ARHGAP26: variants seen among roughly 807,000 people sequenced by gnomAD.
ARHGAP26 encodes the protein rho GTPase-activating protein 26.
In ARHGAP26, 38 loss-of-function variants were observed where a neutral mutation model predicts 104.8. The ratio of observed to expected loss-of-function variants is 0.36; its 90% CI spans 0.28 to 0.48. ARHGAP26 has a LOEUF of 0.48. Among genes scored for constraint, ARHGAP26 ranks in the 20% least tolerant of loss-of-function variants. The probability of loss-of-function intolerance (pLI) is 0.99; values close to 1 mark genes in which losing one functional copy is unlikely to be tolerated. For synonymous variants in ARHGAP26, 341 were observed against 340.0 expected, an observed-to-expected ratio of 1.00 and a Z score of -0.03; for missense variants, 704 against 947.9, an observed-to-expected ratio of 0.74 and a Z score of 3.38.
chr5:142,799,853 G>T (rs1761719853), intron 1 of ARHGAP26, among the ~76,000 whole-genome samples: 3 of 152,256 alleles, frequency 2.0e-5, no homozygotes, highest in Non-Finnish European at 4.4e-5. Flanking sequence ...CCTCTTAAAG[G>T]TCCCCACCTC....
At chr5:142,898,554 C>G (rs1360437492) in intron 6 of ARHGAP26, among the ~76,000 whole-genome samples, 2 of 152,160 alleles carry the variant, frequency 1.3e-5, no homozygotes, top group Non-Finnish European at 2.9e-5. Flanking sequence ...TGCATTCTGC[C>G]TTGGGCCTCC....
intron 18 of ARHGAP26, among the ~76,000 whole-genome samples, chr5:143,128,848 A>G (rs1263144337): frequency 6.6e-6 from 1 of 152,154 alleles, no homozygotes; most frequent in Non-Finnish European, 1.5e-5. Flanking sequence ...TCTGCTGTTG[A>G]TTTATTGTCT....
At chr5:142,952,658 C>T (rs1453797546) in intron 11 of ARHGAP26, among the ~76,000 whole-genome samples, 2 of 152,042 alleles carry the variant, frequency 1.3e-5, no homozygotes, top group Non-Finnish European at 2.9e-5. Flanking sequence ...ATCAGTCATC[C>T]CATTACCACT....
At chr5:142,978,675 C>A (rs937642576) in intron 11 of ARHGAP26, among the ~76,000 whole-genome samples, 1 of 151,854 alleles carries the variant, frequency 6.6e-6, no homozygotes, top group African/African-American at 2.4e-5. Context: ...ATGATACTTT[C>A]CACCTCTTGA....
At chr5:142,833,216 G>C (rs1418436561) in intron 1 of ARHGAP26, among the ~76,000 whole-genome samples, 2 of 149,434 alleles carry the variant, frequency 1.3e-5, no homozygotes, top group Non-Finnish European at 3.0e-5. Flanking sequence ...ACCACACCCG[G>C]CTAATTTTTT....
chr5:143,172,604 C>G (rs1802934132), intron 20 of ARHGAP26, among the ~76,000 whole-genome samples: 1 of 152,144 alleles, frequency 6.6e-6, no homozygotes, highest in Non-Finnish European at 1.5e-5. Context: ...AAATGAGGCC[C>G]TCTATATAGG....
chr5:143,196,549 A>G (rs780879153), intron 20 of ARHGAP26, among the ~76,000 whole-genome samples: 1 of 152,222 alleles, frequency 6.6e-6, no homozygotes, highest in Non-Finnish European at 1.5e-5. Flanking sequence ...ATTTATTAAC[A>G]TTGAACTTAG....
intron 1 of ARHGAP26, among the ~76,000 whole-genome samples, chr5:142,794,182 C>T (rs765351327): frequency 2.2e-4 from 33 of 152,270 alleles, no homozygotes; most frequent in Non-Finnish European, 3.1e-4. Context: ...ATGACTTGGC[C>T]AAGATTTTGA....
intron 11 of ARHGAP26, among the ~76,000 whole-genome samples, chr5:142,997,019 CTG>C (rs1179345983): frequency 6.6e-6 from 1 of 152,126 alleles, no homozygotes; most frequent in Non-Finnish European, 1.5e-5. Context: ...CTACAACAGA[CTG>C]TTGAAACTAC....
At chr5:142,975,215 A>G (rs1339866622) in intron 11 of ARHGAP26, among the ~76,000 whole-genome samples, 3 of 152,180 alleles carry the variant, frequency 2.0e-5, no homozygotes, top group Non-Finnish European at 2.9e-5. Context: ...GACTTGGAAA[A>G]GCTGCTCACC....
At chr5:143,036,076 TCA>T (rs1782596629) in intron 12 of ARHGAP26, among the ~76,000 whole-genome samples, 5 of 152,132 alleles carry the variant, frequency 3.3e-5, no homozygotes, top group Admixed American at 3.3e-4. Flanking sequence ...AAAGAAAGAT[TCA>T]GTTTGGATTA....
Position 142,961,711 on chromosome 5 carries a change from C to T in ARHGAP26, c.1107+29586C>T, listed in dbSNP as rs180913761. On this transcript the variant is annotated intron_variant, in intron 11 of 22. Coordinates refer to ENST00000645722, the MANE Select transcript of ARHGAP26 (RefSeq NM_001135608.3). ...AAGAGATAAAGTCTATCCTCCTGTG[C>T]CCTTGATGTTTTCAGCCATTCTCCC... Among the ~76,000 whole-genome samples the T allele has an allele frequency of 6.3e-4, 96 of 152,236 alleles. 1 individual carries two copies. In the East Asian group the frequency reaches 0.017, roughly 27 times the overall value.
intron 5 of ARHGAP26, among the ~76,000 whole-genome samples, chr5:142,890,243 CAT>C (rs1164179884): frequency 2.4e-5 from 3 of 125,876 alleles, no homozygotes; most frequent in African/African-American, 8.8e-5. Context: ...TTTATTGAGT[CAT>C]AATATAAAAA....
intron 12 of ARHGAP26, among the ~76,000 whole-genome samples, chr5:143,022,800 A>G (rs1780531289): frequency 6.6e-6 from 1 of 152,186 alleles, no homozygotes. Flanking sequence ...CTCATACTCA[A>G]ACCCTAGCCT....
rs555090100 is a variant in ARHGAP26 at position 143,054,603 on chromosome 5, A to T, written c.1373+77A>T. Reference sequence around the variant, plus strand: ...AGGAAGAAAGCAGTTTTATTTTCAGACTCCGGAGAGCTGTCGGGTGGGTGT... The same window carrying T: ...AGGAAGAAAGCAGTTTTATTTTCAGTCTCCGGAGAGCTGTCGGGTGGGTGT... On this transcript the variant is annotated intron_variant, in intron 15 of 22. Coordinates refer to ENST00000645722, the MANE Select transcript of ARHGAP26 (RefSeq NM_001135608.3). The T allele has an allele frequency of 4.7e-6, 5 of 1,066,224 alleles. No homozygotes were observed. In the African/African-American group the frequency reaches 7.9e-5, roughly 17 times the overall value. 66.0% of individuals were successfully genotyped at this position (1,066,224 alleles called of 1,614,324 possible).
chr5:142,980,804 C>A (rs1773836257), intron 11 of ARHGAP26, among the ~76,000 whole-genome samples: 1 of 152,130 alleles, frequency 6.6e-6, no homozygotes, highest in African/African-American at 2.4e-5. Context: ...GTAAATATTG[C>A]CACATAGTCT....
At chr5:143,219,869 C>A (rs1330642140) in intron 22 of ARHGAP26, among the ~76,000 whole-genome samples, 1 of 152,212 alleles carries the variant, frequency 6.6e-6, no homozygotes, top group Non-Finnish European at 1.5e-5. Flanking sequence ...TGGTCTGGCA[C>A]ATGCTTTCGT....
At chr5:142,901,413 T>C (rs992318278) in intron 6 of ARHGAP26, among the ~76,000 whole-genome samples, 1 of 152,160 alleles carries the variant, frequency 6.6e-6, no homozygotes, top group East Asian at 1.9e-4. Flanking sequence ...CACACTTCAG[T>C]TGGATGATTT....
chr5:143,165,332 T>A (rs532517214), intron 20 of ARHGAP26: 1 of 152,336 alleles, frequency 6.6e-6, no homozygotes, highest in South Asian at 2.1e-4. Context: ...GAGGGTGTTG[T>A]CAGTGAGGGA....
Sources: allele counts gnomAD v4.1 joint callset (sites outside exome capture counted in the v4.1 genomes callset), GRCh38; gene constraint gnomAD v4.1.1; transcripts MANE v1.5; gene names NCBI Gene and HGNC (gene_info 2026-07-23, HGNC 2026-07-21).